COL25A1: variants seen among roughly 807,000 people sequenced by gnomAD.
COL25A1 encodes the protein collagen type XXV alpha 1 chain.
A neutral mutation model predicts 128.4 loss-of-function variants in COL25A1; 103 were observed. The ratio of observed to expected loss-of-function variants is 0.80; its 90% CI spans 0.68 to 0.94. The LOEUF (loss-of-function observed/expected upper bound fraction) is 0.94, where lower values mean the gene tolerates loss of function less well. COL25A1 is among the 40% of genes least tolerant of loss of function. COL25A1 has a pLI of 0.00. For missense variants in COL25A1, 745 were observed against 840.0 expected (o/e 0.89, Z 1.40); for synonymous variants, 279 against 277.2 (o/e 1.01, Z -0.06).
chr4:108,977,857 T>TC (rs1752589396), intron 6 of COL25A1, among the ~76,000 whole-genome samples: 1 of 152,114 alleles, frequency 6.6e-6, no homozygotes, highest in Non-Finnish European at 1.5e-5. Context: ...TATAGACACC[T>TC]CCCCAGCCTC....
intron 3 of COL25A1, among the ~76,000 whole-genome samples, chr4:109,114,189 T>A (rs1325151297): frequency 6.6e-6 from 1 of 152,108 alleles, no homozygotes; most frequent in Non-Finnish European, 1.5e-5. Context: ...ACAGAAAATC[T>A]AGAATGAACA....
At chr4:109,081,960 T>A (rs1763879592) in intron 3 of COL25A1, among the ~76,000 whole-genome samples, 1 of 152,128 alleles carries the variant, frequency 6.6e-6, no homozygotes, top group South Asian at 2.1e-4. Context: ...CGCCTCAGCA[T>A]CCCAAAAGTG....
intron 3 of COL25A1, among the ~76,000 whole-genome samples, chr4:109,084,980 A>T (rs1764224888): frequency 6.6e-6 from 1 of 152,228 alleles, no homozygotes; most frequent in Admixed American, 6.5e-5. Context: ...ATAACTTTTC[A>T]AATTCAATAA....
chr4:109,297,437 T>C (rs917057419), intron 3 of COL25A1, among the ~76,000 whole-genome samples: 11 of 152,084 alleles, frequency 7.2e-5, no homozygotes, highest in African/African-American at 2.7e-4. Flanking sequence ...CCAGGTCCTA[T>C]CCACTTCAAT....
intron 5 of COL25A1, among the ~76,000 whole-genome samples, chr4:109,030,833 A>T (rs1758782337): frequency 6.6e-6 from 1 of 151,820 alleles, no homozygotes; most frequent in South Asian, 2.1e-4. Context: ...GCTCACTGCA[A>T]CCTCCATCTC....
intron 3 of COL25A1, among the ~76,000 whole-genome samples, chr4:109,098,057 C>T (rs1021398499): frequency 5.3e-5 from 8 of 152,052 alleles, no homozygotes; most frequent in Non-Finnish European, 1.2e-4. Flanking sequence ...TTCATAAAGG[C>T]CTCTGCTTCA....
intron 3 of COL25A1, among the ~76,000 whole-genome samples, chr4:109,190,003 A>C (rs1346114830): frequency 6.6e-6 from 1 of 152,170 alleles, no homozygotes; most frequent in Non-Finnish European, 1.5e-5. Context: ...AACAAAGCCG[A>C]GATAGAAATA....
At chr4:108,955,761 T>TA (rs148196720) in intron 8 of COL25A1, among the ~76,000 whole-genome samples, 6,629 of 152,138 alleles carry the variant, frequency 0.044, 369 homozygotes, top group African/African-American at 0.13. Context: ...CAACTGACAA[T>TA]AAATGTGAAT....
chr4:108,869,190 C>CAATA (rs72348233), intron 19 of COL25A1, 40 bp from the exon 20 acceptor site: 20,589 of 751,912 alleles, frequency 0.027, 381 homozygotes, highest in African/African-American at 0.059. Flanking sequence ...AATCATTTGA[C>CAATA]AATAAATAAA....
chr4:108,825,378 T>G (rs1040496846), intron 33 of COL25A1, among the ~76,000 whole-genome samples, 156 bp from the exon 34 acceptor site: 3 of 152,166 alleles, frequency 2.0e-5, no homozygotes, highest in African/African-American at 7.2e-5. Flanking sequence ...CTGTTAGTGT[T>G]GCAGTTAAGG....
chr4:109,129,384 C>T (rs1394343073), intron 3 of COL25A1, among the ~76,000 whole-genome samples: 1 of 152,116 alleles, frequency 6.6e-6, no homozygotes, highest in East Asian at 1.9e-4. Flanking sequence ...CCACCTGAGC[C>T]TCCCAAAGTG....
At chr4:109,157,415 C>T (rs775464534) in intron 3 of COL25A1, among the ~76,000 whole-genome samples, 10 of 152,048 alleles carry the variant, frequency 6.6e-5, no homozygotes, top group South Asian at 2.1e-4. Flanking sequence ...TGTAGAGAGG[C>T]AAGTTGTTCC....
intron 3 of COL25A1, among the ~76,000 whole-genome samples, chr4:109,092,702 A>G (rs1765025895): frequency 6.6e-6 from 1 of 152,204 alleles, no homozygotes; most frequent in East Asian, 1.9e-4. Flanking sequence ...GATTTTGGTA[A>G]CTGTGAAGGC....
At chr4:108,831,186 T>A (rs575406731) in intron 32 of COL25A1, among the ~76,000 whole-genome samples, 106 of 151,630 alleles carry the variant, frequency 7.0e-4, no homozygotes, top group African/African-American at 2.4e-3. Flanking sequence ...ATTCAGTATA[T>A]ATTAATAAAT....
chr4:109,179,783 G>C (rs2126143330), intron 3 of COL25A1, among the ~76,000 whole-genome samples: 1 of 152,310 alleles, frequency 6.6e-6, no homozygotes, highest in East Asian at 1.9e-4. Context: ...TTATTTTTAA[G>C]TAGAGGTTTA....
chr4:108,861,819 T>C (rs1737255708), intron 22 of COL25A1, among the ~76,000 whole-genome samples: 1 of 152,196 alleles, frequency 6.6e-6, no homozygotes, highest in Admixed American at 6.5e-5. Flanking sequence ...TTTATATGTC[T>C]TTCTACAGAT....
chr4:108,935,962 C>T (rs1400719297), intron 11 of COL25A1, among the ~76,000 whole-genome samples: 1 of 152,112 alleles, frequency 6.6e-6, no homozygotes, highest in Non-Finnish European at 1.5e-5. Flanking sequence ...GTAGTCTGTG[C>T]ACACCTGGGG....
intron 5 of COL25A1, among the ~76,000 whole-genome samples, chr4:109,046,512 A>T (rs1198931850): frequency 2.0e-5 from 3 of 152,222 alleles, no homozygotes; most frequent in African/African-American, 7.2e-5. Flanking sequence ...CCGTAACCTC[A>T]GGAGTTTCCT....
At chr4:109,116,019 G>A (rs1767519757) in intron 3 of COL25A1, among the ~76,000 whole-genome samples, 1 of 152,020 alleles carries the variant, frequency 6.6e-6, no homozygotes, top group African/African-American at 2.4e-5. Flanking sequence ...AGACAGACAG[G>A]CAGATACAGA....
Sources: gnomAD v4.1 joint callset for allele counts (sites outside exome capture counted in the v4.1 genomes callset) on GRCh38, gnomAD v4.1.1 for gene constraint, MANE v1.5 for transcripts, NCBI Gene and HGNC (gene_info 2026-07-23, HGNC 2026-07-21) for gene names.